CERS6: variants seen among roughly 807,000 people sequenced by gnomAD.
CERS6 encodes the protein ceramide synthase 6, also known as LAG1 homolog, ceramide synthase 6.
Under a neutral mutation model 56.8 loss-of-function variants are expected in CERS6, and 26 were observed. That is an observed-to-expected ratio of 0.46 (90% CI 0.34 to 0.63). The LOEUF is 0.63. Among genes scored for constraint, CERS6 ranks in the 30% least tolerant of loss-of-function variants. The probability of loss-of-function intolerance (pLI) is 0.01; values close to 1 mark genes in which losing one functional copy is unlikely to be tolerated. For missense variants in CERS6, 415 were observed against 467.5 expected (o/e 0.89, Z 1.04); for synonymous variants, 164 against 173.3 (o/e 0.95, Z 0.42).
At chr2:168,482,880 T>C (rs1229576822) in intron 1 of CERS6, among the ~76,000 whole-genome samples, 2 of 152,268 alleles carry the variant, frequency 1.3e-5, no homozygotes, top group Non-Finnish European at 2.9e-5. Flanking sequence ...GAATAGCTGC[T>C]AATAAAATAG....
intron 3 of CERS6, among the ~76,000 whole-genome samples, chr2:168,566,231 A>G (rs1292468552): frequency 6.6e-6 from 1 of 152,118 alleles, no homozygotes; most frequent in East Asian, 1.9e-4. Flanking sequence ...CCCATATGTA[A>G]TCTGAAAATC....
chr2:168,507,691 C>T (rs572753841), intron 1 of CERS6, among the ~76,000 whole-genome samples: 1 of 152,246 alleles, frequency 6.6e-6, no homozygotes, highest in African/African-American at 2.4e-5. Context: ...TATCAAATCT[C>T]TCTCCACCCA....
At chr2:168,743,461 C>T (rs1202051073) in intron 8 of CERS6, among the ~76,000 whole-genome samples, 15 of 152,082 alleles carry the variant, frequency 9.9e-5, no homozygotes, top group Admixed American at 9.8e-4. Context: ...AGGGCGAAAC[C>T]CTGTCTCTAC....
chr2:168,523,445 G>A (rs1432363216), intron 1 of CERS6, among the ~76,000 whole-genome samples: 3 of 152,088 alleles, frequency 2.0e-5, no homozygotes, highest in Non-Finnish European at 4.4e-5. Flanking sequence ...TCATAATTCA[G>A]AATTACCCTT....
In CERS6 at chr2:168,547,771, GT is replaced by G. The variant is rs1695493380; in HGVS notation, c.276+71del. The G allele has an allele frequency of 2.7e-6, 3 of 1,099,366 alleles. No homozygotes were observed. The South Asian group carries it at 3.9e-5, about 14-fold the overall frequency. 68.1% of individuals were successfully genotyped at this position (1,099,366 alleles called of 1,614,324 possible). A position where few individuals can be genotyped will look rare whatever the true frequency, so the allele number is the denominator to read the frequency against. On this transcript the variant is annotated intron_variant, in intron 2 of 9. Transcript: ENST00000305747. ...TTCTCAGCCTGCTGTCATTCAATTT[GT>G]CCCCTTCTGGGTTTGGAGAATCAAC...
chr2:168,690,928 AATT>A, intron 4 of CERS6, 103 bp from the exon 5 acceptor site: 1 of 979,190 alleles, frequency 1.0e-6, no homozygotes. Flanking sequence ...CACACAGGTA[AATT>A]ATTGAAATCC....
intron 1 of CERS6, among the ~76,000 whole-genome samples, chr2:168,498,400 A>T (rs1332476200): frequency 6.6e-6 from 1 of 152,182 alleles, no homozygotes; most frequent in Admixed American, 6.5e-5. Context: ...CACAACCTGC[A>T]GGCAGGAAGC....
chr2:168,638,452 A>G (rs1684912353), intron 4 of CERS6, among the ~76,000 whole-genome samples: 1 of 152,010 alleles, frequency 6.6e-6, no homozygotes, highest in South Asian at 2.1e-4. Context: ...TATCAAAAAT[A>G]AAACACATTA....
chr2:168,674,829 G>A (rs767746482), intron 4 of CERS6, among the ~76,000 whole-genome samples: 6 of 152,036 alleles, frequency 3.9e-5, no homozygotes, highest in Non-Finnish European at 8.8e-5. Context: ...TTTGGTATCA[G>A]GAACCCTTTA....
intron 3 of CERS6, among the ~76,000 whole-genome samples, chr2:168,566,712 A>G (rs967462717): frequency 6.6e-6 from 1 of 151,778 alleles, no homozygotes; most frequent in Non-Finnish European, 1.5e-5. Flanking sequence ...TGAGTCTCTT[A>G]TATTCCTTTA....
Position 168,602,786 on chromosome 2 carries a change from A to C in CERS6, c.408-28199A>C, listed in dbSNP as rs149540231. Reference sequence around the variant, plus strand: ...GGTTTGGGGTTTGACCTGAGTAGCCACTCTTTGGTTCTTGGACAGTGTTTT... The same window carrying C: ...GGTTTGGGGTTTGACCTGAGTAGCCCCTCTTTGGTTCTTGGACAGTGTTTT... On this transcript the variant is annotated intron_variant, in intron 3 of 9. Coordinates refer to ENST00000305747, the MANE Select transcript of CERS6 (RefSeq NM_203463.3). Among the ~76,000 whole-genome samples, 607 of 152,082 alleles carry C rather than the reference A, an allele frequency of 4.0e-3. 5 individuals carry two copies. The highest frequency in any genetic ancestry group is 0.014 in the African/African-American group (575 of 41,476).
At chr2:168,585,799 C>T (rs532006592) in intron 3 of CERS6, among the ~76,000 whole-genome samples, 1 of 152,324 alleles carries the variant, frequency 6.6e-6, no homozygotes, top group South Asian at 2.1e-4. Flanking sequence ...AATAGGTGGG[C>T]TGGTCCTTCA....
At chr2:168,676,016 A>G (rs1219331313) in intron 4 of CERS6, among the ~76,000 whole-genome samples, 1 of 152,176 alleles carries the variant, frequency 6.6e-6, no homozygotes, top group Non-Finnish European at 1.5e-5. Context: ...AAAAAATCAG[A>G]GATTTTTGCA....
chr2:168,758,438 A>G (rs1469396290), intron 8 of CERS6, among the ~76,000 whole-genome samples: 1 of 152,188 alleles, frequency 6.6e-6, no homozygotes, highest in Non-Finnish European at 1.5e-5. Context: ...GGGTTTTTTT[A>G]GAGATCATTC....
intron 4 of CERS6, among the ~76,000 whole-genome samples, chr2:168,684,195 A>T (rs1479919109): frequency 6.6e-6 from 1 of 152,188 alleles, no homozygotes; most frequent in African/African-American, 2.4e-5. Context: ...TCCAAATTAC[A>T]TTTCCACATC....
chr2:168,692,763 G>GT lies in CERS6; in HGVS notation c.516+1680dup, dbSNP rs1376026124. Among the ~76,000 whole-genome samples the GT allele has an allele frequency of 7.9e-5, 12 of 152,204 alleles. No individual in the cohort carries two copies. The South Asian group carries it at 2.1e-3, about 26-fold the overall frequency. ...TATTAGCTGATTTCTTTGTGTGTGG[G>GT]TGGGGGGGAACTAAACAGCATATAA... On this transcript the variant is annotated intron_variant, in intron 5 of 9. Coordinates refer to ENST00000305747, the MANE Select transcript of CERS6 (RefSeq NM_203463.3).
Position 168,749,291 on chromosome 2 carries a change from ACT to A in CERS6, c.846-16299_846-16298del, listed in dbSNP as rs1312877142. ...CCCTCTTCGCTATCTGAATCCCCAC[ACT>A]CATAACCATGGATGAATCTGAGTGC... On this transcript the variant is annotated intron_variant, in intron 8 of 9. Coordinates refer to ENST00000305747, the MANE Select transcript of CERS6 (RefSeq NM_203463.3). 2.6e-5 allele frequency among the ~76,000 whole-genome samples: 4 copies of A among 152,110 alleles called. No homozygotes were observed. In the South Asian group the frequency reaches 8.3e-4, roughly 32 times the overall value.
At chr2:168,713,375 C>T (rs529012776) in intron 6 of CERS6, among the ~76,000 whole-genome samples, 1 of 152,116 alleles carries the variant, frequency 6.6e-6, no homozygotes, top group Non-Finnish European at 1.5e-5. Flanking sequence ...TAGACCTCTT[C>T]CTCCAGAGGC....
intron 8 of CERS6, among the ~76,000 whole-genome samples, chr2:168,728,044 A>G (rs774985359): frequency 5.4e-4 from 82 of 152,260 alleles, no homozygotes; most frequent in Non-Finnish European, 9.6e-4. Flanking sequence ...CCAGAGGTCC[A>G]CAAAGTATGG....
Sources: allele counts gnomAD v4.1 joint callset (sites outside exome capture counted in the v4.1 genomes callset), GRCh38; gene constraint gnomAD v4.1.1; transcripts MANE v1.5; gene names NCBI Gene and HGNC (gene_info 2026-07-23, HGNC 2026-07-21).